The following AOAH variants were observed in gnomAD, a reference collection of about 807,000 sequenced individuals.
AOAH encodes acyloxyacyl hydrolase.
A neutral mutation model predicts 92.2 loss-of-function variants in AOAH; 64 were observed. The ratio of observed to expected loss-of-function variants is 0.69; its 90% confidence interval spans 0.57 to 0.86. The LOEUF is 0.86. Among genes scored for constraint, AOAH ranks in the 40% least tolerant of loss-of-function variants. The pLI is 0.00. For missense variants in AOAH, 656 were observed against 694.6 expected, an observed-to-expected ratio of 0.94 and a Z score of 0.62; for synonymous variants, 263 against 254.5, an observed-to-expected ratio of 1.03 and a Z score of -0.32.
intron 4 of AOAH, among the ~76,000 whole-genome samples, chr7:36,642,684 C>CT (rs1171671752): frequency 6.6e-5 from 10 of 152,162 alleles, no homozygotes; most frequent in African/African-American, 2.4e-4. Context: ...CAAAGTGGTA[C>CT]TGTTAGTATC....
chr7:36,687,537 CTT>C (rs5883572), intron 1 of AOAH, among the ~76,000 whole-genome samples: 1 of 145,386 alleles, frequency 6.9e-6, no homozygotes. Flanking sequence ...AAAACCAAAC[CTT>C]TTTTTTTTTT....
intron 2 of AOAH, among the ~76,000 whole-genome samples, chr7:36,679,140 A>G (rs1038244351): frequency 3.9e-5 from 6 of 152,184 alleles, no homozygotes; most frequent in African/African-American, 7.2e-5. Context: ...AACATAGGAC[A>G]TTCCAATTTG....
chr7:36,590,931 C>A (rs969856187), intron 12 of AOAH, among the ~76,000 whole-genome samples: 8 of 152,152 alleles, frequency 5.3e-5, no homozygotes, highest in Admixed American at 5.2e-4. Flanking sequence ...TGGCCTAGCA[C>A]AAATTATCTG....
chr7:36,616,145 C>T (rs1791862788), intron 11 of AOAH, among the ~76,000 whole-genome samples: 1 of 152,222 alleles, frequency 6.6e-6, no homozygotes, highest in Admixed American at 6.5e-5. Context: ...CTTGACTCCC[C>T]ACTGCTGCCT....
At position 36,566,093 on chromosome 7, in the gene AOAH, G is replaced by T. The variant is rs1265267689; in HGVS notation, c.1021+10481C>A. Among the ~76,000 whole-genome samples, 16 of 133,970 alleles carry T rather than the reference G, an allele frequency of 1.2e-4. No individual in the cohort carries two copies. In the East Asian group the frequency reaches 3.5e-3, roughly 29 times the overall value. 87.9% of individuals were successfully genotyped at this position (133,970 alleles called of 152,430 possible). The stretch of plus-strand genomic sequence containing the variant: ...ACCTTGACGCTTTTAAGTAATACTG[G>T]CTTTTTTTTTTTTTTTTGGTAAAAT... On this transcript the variant is annotated intron_variant, in intron 13 of 20. Transcript: ENST00000617537.
At chr7:36,631,151 GCCTGGCC>G (rs1362795521) in intron 6 of AOAH, among the ~76,000 whole-genome samples, 1 of 152,062 alleles carries the variant, frequency 6.6e-6, no homozygotes, top group African/African-American at 2.4e-5. Context: ...TTCAAGACCA[GCCTGGCC>G]AAAGTGGTGA....
At chr7:36,578,114 T>A (rs1788660997) in intron 12 of AOAH, among the ~76,000 whole-genome samples, 1 of 152,212 alleles carries the variant, frequency 6.6e-6, no homozygotes, top group South Asian at 2.1e-4. Context: ...TGTAGTAGAA[T>A]TTTGAGATGA....
At chr7:36,539,864 G>A (rs1254813349) in intron 16 of AOAH, among the ~76,000 whole-genome samples, 5 of 152,134 alleles carry the variant, frequency 3.3e-5, no homozygotes, top group Non-Finnish European at 4.4e-5. Flanking sequence ...AAAGCCTTTC[G>A]GAGCTAAGGA....
intron 1 of AOAH, among the ~76,000 whole-genome samples, chr7:36,716,047 A>C (rs954655809): frequency 9.9e-5 from 15 of 152,258 alleles, no homozygotes; most frequent in Middle Eastern, 3.4e-3. Context: ...CAACCTACAG[A>C]ATGGGAGAAA....
rs140536437 is a variant in AOAH, at chr7:36,710,685, A to G, written c.127+13337T>C. Among the ~76,000 whole-genome samples the G allele has an allele frequency of 2.9e-4, 44 of 152,344 alleles. 1 individual carries two copies. The highest frequency in any genetic ancestry group is 9.4e-4 in the African/African-American group (39 of 41,586). Reference sequence around the variant, plus strand: ...CTAATACACTGTGCAATCTTCCTTTATAAATTAATCTTCCTTTGAAACACC... The same window carrying G: ...CTAATACACTGTGCAATCTTCCTTTGTAAATTAATCTTCCTTTGAAACACC... On this transcript the variant is annotated intron_variant, in intron 1 of 20. Coordinates refer to ENST00000617537, the MANE Select transcript of AOAH (RefSeq NM_001637.4).
At chr7:36,565,924 T>G (rs768685580) in intron 13 of AOAH, among the ~76,000 whole-genome samples, 24 of 152,132 alleles carry the variant, frequency 1.6e-4, no homozygotes, top group Non-Finnish European at 2.6e-4. Context: ...CTATAGACCT[T>G]ATTTAAATTT....
chr7:36,537,506 GTTTTT>G (rs67918250), intron 16 of AOAH, among the ~76,000 whole-genome samples: 37 of 134,794 alleles, frequency 2.7e-4, no homozygotes, highest in Admixed American at 1.6e-3. Context: ...CACCCCTCTT[GTTTTT>G]TTTTTTTTTT....
intron 4 of AOAH, among the ~76,000 whole-genome samples, chr7:36,649,930 T>C (rs1291749560): frequency 1.3e-5 from 2 of 152,232 alleles, no homozygotes; most frequent in African/African-American, 4.8e-5. Context: ...TTCATCCTAA[T>C]CGAGCTGAAC....
intron 1 of AOAH, 57 bp downstream of exon 1, chr7:36,723,965 G>C (rs1400276222): frequency 6.4e-7 from 1 of 1,568,394 alleles, no homozygotes. Context: ...CGCAAGCAAA[G>C]TACTGGATCC....
intron 6 of AOAH, 71 bp from the exon 7 acceptor site, chr7:36,623,321 G>T: frequency 7.2e-7 from 1 of 1,389,784 alleles, no homozygotes; most frequent in South Asian, 1.2e-5. Flanking sequence ...AACAAATAGA[G>T]AGACATTTTC....
chr7:36,555,713 G>A (rs1786653812), intron 13 of AOAH, among the ~76,000 whole-genome samples: 3 of 152,134 alleles, frequency 2.0e-5, no homozygotes, highest in Admixed American at 1.3e-4. Context: ...TTTAGTCTTG[G>A]GAGAGCGTAT....
chr7:36,573,488 C>A (rs566347385), intron 13 of AOAH, among the ~76,000 whole-genome samples: 2 of 152,322 alleles, frequency 1.3e-5, no homozygotes, highest in South Asian at 4.1e-4. Context: ...GAGGCCGAGG[C>A]TGGTGGATCA....
At chr7:36,678,600 T>TGTGTGTGTGTGTGCGCGCGC (rs549317369) in intron 2 of AOAH, among the ~76,000 whole-genome samples, 29 of 131,088 alleles carry the variant, frequency 2.2e-4, no homozygotes, top group Non-Finnish European at 3.6e-4. Context: ...TGTGTGTGTG[T>TGTGTGTGTGTGTGCGCGCGC]GCGCGCGCGC....
At chr7:36,556,037 G>A (rs1786680185) in intron 13 of AOAH, among the ~76,000 whole-genome samples, 1 of 152,064 alleles carries the variant, frequency 6.6e-6, no homozygotes, top group African/African-American at 2.4e-5. Context: ...TTTTGAATGT[G>A]TTTGCTCTTG....
Sources: allele counts gnomAD v4.1 joint callset (sites outside exome capture counted in the v4.1 genomes callset), GRCh38; gene constraint gnomAD v4.1.1; transcripts MANE v1.5; gene names NCBI Gene and HGNC (gene_info 2026-07-23, HGNC 2026-07-21).